BMPR1B: variants seen among roughly 807,000 people sequenced by gnomAD.
BMPR1B encodes the protein bone morphogenetic protein receptor type 1B.
In BMPR1B, 12 loss-of-function variants were observed where a neutral mutation model predicts 59.1. The ratio of observed to expected loss-of-function variants is 0.20; its 90% CI spans 0.13 to 0.33. The LOEUF (loss-of-function observed/expected upper bound fraction) is 0.33, where lower values mean the gene tolerates loss of function less well. Among genes scored for constraint, BMPR1B ranks in the 10% least tolerant of loss-of-function variants. The pLI, the probability that BMPR1B is intolerant of heterozygous loss-of-function variation, is 1.00. For synonymous variants in BMPR1B, 237 were observed against 207.3 expected (o/e 1.14, Z -1.23); for missense variants, 550 against 610.9 (o/e 0.90, Z 1.05).
At chr4:95,114,135 T>C (rs903497640) in intron 4 of BMPR1B, among the ~76,000 whole-genome samples, 4 of 152,164 alleles carry the variant, frequency 2.6e-5, no homozygotes, top group African/African-American at 9.6e-5. Flanking sequence ...ATCTCAGTTA[T>C]GCCATGCTGA....
chr4:94,825,182 G>A (rs1724340635), intron 1 of BMPR1B, among the ~76,000 whole-genome samples: 1 of 152,128 alleles, frequency 6.6e-6, no homozygotes, highest in Admixed American at 6.6e-5. Context: ...TCCTCTGGCT[G>A]TTAGCAGCAG....
intron 1 of BMPR1B, among the ~76,000 whole-genome samples, chr4:94,799,399 G>T (rs1429993019): frequency 6.6e-6 from 1 of 151,466 alleles, no homozygotes; most frequent in Non-Finnish European, 1.5e-5. Context: ...CGCCTCCCGG[G>T]TTCAAGTGAT....
intron 3 of BMPR1B, among the ~76,000 whole-genome samples, chr4:95,085,007 T>A (rs1729465705): frequency 6.6e-6 from 1 of 152,118 alleles, no homozygotes; most frequent in African/African-American, 2.4e-5. Flanking sequence ...CCCGGTTACA[T>A]GTTTTGTATG....
intron 1 of BMPR1B, among the ~76,000 whole-genome samples, chr4:94,799,697 TG>T (rs1400153684): frequency 1.3e-5 from 2 of 151,604 alleles, no homozygotes; most frequent in African/African-American, 4.9e-5. Context: ...TTTTTGTTTT[TG>T]TTTTTGTTCT....
At chr4:95,132,636 T>TA (rs1359193196) in intron 10 of BMPR1B, among the ~76,000 whole-genome samples, 1 of 151,742 alleles carries the variant, frequency 6.6e-6, no homozygotes, top group African/African-American at 2.4e-5. Flanking sequence ...TCCTCTGACC[T>TA]ACAACCCTTT....
At chr4:94,822,422 A>C (rs536553210) in intron 1 of BMPR1B, among the ~76,000 whole-genome samples, 1 of 152,212 alleles carries the variant, frequency 6.6e-6, no homozygotes, top group African/African-American at 2.4e-5. Context: ...CACATTGGAC[A>C]TATTTCGTGA....
intron 2 of BMPR1B, among the ~76,000 whole-genome samples, chr4:94,891,747 C>G (rs114505485): frequency 1.3e-5 from 2 of 151,996 alleles, no homozygotes; most frequent in Non-Finnish European, 2.9e-5. Flanking sequence ...CTTACCAGAT[C>G]AGTTACAATT....
chr4:94,879,235 A>G (rs1246651485), intron 2 of BMPR1B, among the ~76,000 whole-genome samples: 4 of 152,210 alleles, frequency 2.6e-5, no homozygotes, highest in African/African-American at 7.2e-5. Context: ...TATGCTCTTT[A>G]GCAGTACCTT....
chr4:95,035,651 A>T (rs913711680), intron 3 of BMPR1B, among the ~76,000 whole-genome samples: 2 of 152,172 alleles, frequency 1.3e-5, no homozygotes, highest in Non-Finnish European at 2.9e-5. Flanking sequence ...GCCTGTTTTT[A>T]TATCAGTACT....
At chr4:95,014,414 G>A (rs868073293) in intron 3 of BMPR1B, among the ~76,000 whole-genome samples, 2 of 152,002 alleles carry the variant, frequency 1.3e-5, no homozygotes, top group Admixed American at 6.6e-5. Flanking sequence ...CCATTATTTA[G>A]AAACAATGAA....
chr4:94,873,063 AT>A (rs879832333), intron 1 of BMPR1B, among the ~76,000 whole-genome samples: 158 of 147,736 alleles, frequency 1.1e-3, no homozygotes, highest in African/African-American at 2.8e-3. Context: ...AATCTATATG[AT>A]TTTTTTTTTT....
rs564953454 is a variant in BMPR1B at position 95,058,658 on chromosome 4, G to A, written c.-17-45750G>A. ...CTTCAGAAAATCCAAGCCAAGGTTT[G>A]TTTTGGAAACGCCACATGAAATTAT... is the stretch of plus-strand genomic sequence containing the variant. On this transcript the variant is annotated intron_variant, in intron 3 of 12. Transcript: ENST00000515059. 3.2e-3 allele frequency among the ~76,000 whole-genome samples: 491 copies of A among 152,190 alleles called. 1 individual carries two copies. Among genetic ancestry groups the A allele is most frequent in the African/African-American group, 0.011 (453 of 41,534 alleles).
intron 3 of BMPR1B, among the ~76,000 whole-genome samples, chr4:95,051,120 G>T (rs937163933): frequency 6.6e-6 from 1 of 152,060 alleles, no homozygotes; most frequent in Admixed American, 6.5e-5. Flanking sequence ...TGATTCAAGG[G>T]TATTCACTTC....
At chr4:95,096,655 T>G (rs1212098784) in intron 3 of BMPR1B, among the ~76,000 whole-genome samples, 1 of 148,716 alleles carries the variant, frequency 6.7e-6, no homozygotes, top group Non-Finnish European at 1.5e-5. Flanking sequence ...TTACTTTTTA[T>G]TATCATGATA....
At chr4:95,065,879 C>G (rs2149212242) in intron 3 of BMPR1B, among the ~76,000 whole-genome samples, 1 of 152,152 alleles carries the variant, frequency 6.6e-6, no homozygotes, top group Admixed American at 6.5e-5. Flanking sequence ...TTTACCGAAA[C>G]AGTTTTGTCA....
chr4:94,846,645 A>G (rs976220882), intron 1 of BMPR1B, among the ~76,000 whole-genome samples: 1 of 152,140 alleles, frequency 6.6e-6, no homozygotes, highest in African/African-American at 2.4e-5. Flanking sequence ...CAGACAACCT[A>G]TTGTGGGACC....
intron 1 of BMPR1B, among the ~76,000 whole-genome samples, chr4:94,771,955 T>C (rs1208972848): frequency 6.6e-6 from 1 of 152,196 alleles, no homozygotes; most frequent in Non-Finnish European, 1.5e-5. Flanking sequence ...GATGGAGGAT[T>C]GATGTTAAAT....
At chr4:94,929,762 C>A (rs1488114676) in intron 2 of BMPR1B, among the ~76,000 whole-genome samples, 2 of 152,002 alleles carry the variant, frequency 1.3e-5, no homozygotes, top group Non-Finnish European at 2.9e-5. Flanking sequence ...CTCTCTTATG[C>A]ACCAGATCCT....
chr4:94,896,036 G>C (rs1727572688), intron 2 of BMPR1B, among the ~76,000 whole-genome samples: 1 of 151,920 alleles, frequency 6.6e-6, no homozygotes, highest in Non-Finnish European at 1.5e-5. Context: ...CTTTTAGCAA[G>C]GATAGCAGTA....
Sources: allele counts gnomAD v4.1 joint callset (sites outside exome capture counted in the v4.1 genomes callset), GRCh38; gene constraint gnomAD v4.1.1; transcripts MANE v1.5; gene names NCBI Gene and HGNC (gene_info 2026-07-23, HGNC 2026-07-21).